API5: variants seen among roughly 807,000 people sequenced by gnomAD.
The protein encoded by API5 is FIF.
A neutral mutation model predicts 71.9 loss-of-function variants in API5; 6 were observed. The observed-to-expected ratio is 0.08, with a 90% CI of 0.05 to 0.16. The LOEUF is 0.16. Ranked by LOEUF, API5 falls within the 10% of genes least tolerant of loss-of-function variation. The pLI, the probability that API5 is intolerant of heterozygous loss-of-function variation, is 1.00. For missense variants in API5, 332 were observed against 612.8 expected (o/e 0.54, Z 4.84); for synonymous variants, 189 against 221.3 (o/e 0.85, Z 1.30).
intron 13 of API5, chr11:43,340,296 T>C: frequency 3.7e-6 from 1 of 272,746 alleles, no homozygotes; most frequent in Non-Finnish European, 7.1e-6. Flanking sequence ...ACAAACAAAT[T>C]GAAAGACACT....
At chr11:43,316,781 A>G (rs533936879) in intron 1 of API5, among the ~76,000 whole-genome samples, 1 of 152,280 alleles carries the variant, frequency 6.6e-6, no homozygotes, top group Non-Finnish European at 1.5e-5. Context: ...CAGCCTCTCC[A>G]GTAGCTGGGA....
At chr11:43,341,760 A>G (rs1855623999) in intron 13 of API5, among the ~76,000 whole-genome samples, 1 of 152,208 alleles carries the variant, frequency 6.6e-6, no homozygotes, top group African/African-American at 2.4e-5. Flanking sequence ...GATGATGGAT[A>G]TGCTTGTTAC....
At chr11:43,329,217 C>T (rs1177707898) in intron 9 of API5, 1 of 213,004 alleles carries the variant, frequency 4.7e-6, no homozygotes, top group African/African-American at 2.3e-5. Context: ...TGTGGTAACA[C>T]ACCAGTAGTC....
At position 43,320,810 on chromosome 11, in the gene API5, A is replaced by C; in HGVS notation, c.232-11A>C. On this transcript the variant is annotated splice_polypyrimidine_tract_variant and intron_variant, in intron 2 of 13. Coordinates refer to ENST00000531273, the MANE Select transcript of API5 (RefSeq NM_001142930.2). Reference sequence around the variant, plus strand: ...AGTATTTGGTTAATTTTTGTTTGAAATCATGCCCAGATTCGACGTCAAGCA... The same window carrying C: ...AGTATTTGGTTAATTTTTGTTTGAACTCATGCCCAGATTCGACGTCAAGCA... The C allele has an allele frequency of 6.2e-7, 1 of 1,608,370 alleles. No individual in the cohort carries two copies.
intron 11 of API5, among the ~76,000 whole-genome samples, chr11:43,332,887 C>A (rs569175892): frequency 3.3e-5 from 5 of 152,240 alleles, no homozygotes; most frequent in Admixed American, 2.0e-4. Context: ...CAGTCAGCTC[C>A]CCCATCCTGT....
intron 1 of API5, among the ~76,000 whole-genome samples, chr11:43,314,802 C>T (rs934611649): frequency 1.6e-4 from 25 of 152,152 alleles, no homozygotes; most frequent in African/African-American, 5.1e-4. Context: ...TACTTCTCCC[C>T]TTTTAGATAA....
intron 1 of API5, among the ~76,000 whole-genome samples, chr11:43,317,099 C>T (rs1024960136): frequency 1.3e-5 from 2 of 152,242 alleles, no homozygotes; most frequent in African/African-American, 4.8e-5. Context: ...ATGAAGTAAG[C>T]TCATGTGTCT....
intron 6 of API5, among the ~76,000 whole-genome samples, chr11:43,324,504 C>G (rs1855002595): frequency 6.6e-6 from 1 of 151,962 alleles, no homozygotes; most frequent in South Asian, 2.1e-4. Context: ...AATCCCAATC[C>G]CAGCACTTTG....
chr11:43,326,524 A>G lies in API5; in HGVS notation c.768A>G (p.Thr256=). The G allele has an allele frequency of 6.2e-7, 1 of 1,606,934 alleles. No individual in the cohort carries two copies. The highest frequency in any genetic ancestry group is 8.5e-7 in the Non-Finnish European group (1 of 1,176,238). Residue 256 remains threonine, a synonymous_variant, in exon 7 of 14, where the codon ACA becomes ACG. Transcript: ENST00000531273. ...TCTTACAGAAAAATGTCCATTCCAC[A>G]AGGTTTGTGACATATTTCTGTGAGC... The part of the protein sequence containing the change: ...VPLFSKNVHS[T]RFVTYFCEQV...
intron 13 of API5, among the ~76,000 whole-genome samples, chr11:43,337,455 A>G (rs1318006594): frequency 6.6e-6 from 1 of 152,230 alleles, no homozygotes; most frequent in Non-Finnish European, 1.5e-5. Flanking sequence ...AACAGATTAT[A>G]TAGAAAGCCA....
chr11:43,314,690 ATC>A (rs1854609646), intron 1 of API5, among the ~76,000 whole-genome samples: 1 of 152,218 alleles, frequency 6.6e-6, no homozygotes, highest in Non-Finnish European at 1.5e-5. Context: ...TTTAAACAGT[ATC>A]TCTGCATAAT....
intron 2 of API5, chr11:43,319,112 C>A: frequency 3.8e-6 from 1 of 262,298 alleles, no homozygotes; most frequent in East Asian, 7.7e-5. Context: ...TGAAATTAGA[C>A]TGTTTTTAAT....
At chr11:43,337,959 G>T (rs1590272948) in intron 13 of API5, among the ~76,000 whole-genome samples, 2 of 152,238 alleles carry the variant, frequency 1.3e-5, no homozygotes, top group African/African-American at 4.8e-5. Context: ...TGTATACAGT[G>T]TTTTTTAAAA....
Position 43,326,507 on chromosome 11 carries a change from A to C in API5, c.751A>C (p.Lys251Gln). The C allele has an allele frequency of 6.3e-7, 1 of 1,591,672 alleles. No individual in the cohort carries two copies. Among genetic ancestry groups the C allele is most frequent in the Non-Finnish European group, 8.6e-7 (1 of 1,166,268 alleles). Residue 251 changes from lysine (K) to glutamine (Q), a missense_variant and splice_region_variant, in exon 7 of 14, where the codon AAA becomes CAA. Lys to Gln is a moderately conservative substitution (Grantham distance 53, BLOSUM62 1). Coordinates refer to ENST00000531273, the MANE Select transcript of API5 (RefSeq NM_001142930.2). The stretch of plus-strand genomic sequence containing the variant: ...TGCATTTTCTTTGGATTTCTTACAG[A>C]AAAATGTCCATTCCACAAGGTTTGT... ...CTRQAVPLFS[K>Q]NVHSTRFVTY...
Position 43,323,444 on chromosome 11 carries a change from G to C in API5, c.558G>C (p.Val186=). The change falls in exon 6 of 14, where the codon GTG becomes GTC. Residue 186 remains valine, a synonymous_variant. Coordinates refer to ENST00000531273, the MANE Select transcript of API5 (RefSeq NM_001142930.2). ...CTCTTTTCCAGGTCCTAGAAGATGT[G>C]ACTGGTGAAGAATTTGTTCTATTTA... ...LTESKKVLED[V]TGEEFVLFMK... 1 of 1,613,872 alleles carries C rather than the reference G, an allele frequency of 6.2e-7. No homozygotes were observed. Among genetic ancestry groups the C allele is most frequent in the Non-Finnish European group, 8.5e-7 (1 of 1,179,858 alleles).
intron 2 of API5, among the ~76,000 whole-genome samples, chr11:43,319,279 T>G (rs1235562457): frequency 6.6e-6 from 1 of 152,178 alleles, no homozygotes; most frequent in African/African-American, 2.4e-5. Flanking sequence ...TTTTGGTTTT[T>G]GGGGGGTTTT....
intron 5 of API5, among the ~76,000 whole-genome samples, chr11:43,322,790 T>C (rs1254720031): frequency 6.6e-6 from 1 of 152,202 alleles, no homozygotes; most frequent in East Asian, 1.9e-4. Context: ...ATTGATAAGA[T>C]TATTTTTCAG....
intron 10 of API5, 56 bp from the exon 11 acceptor site, chr11:43,330,452 A>G (rs919124596): frequency 1.7e-6 from 2 of 1,194,616 alleles, no homozygotes; most frequent in African/African-American, 3.0e-5. Flanking sequence ...GACAGAATGG[A>G]TTATGCCTCA....
At chr11:43,337,220 G>A (rs964692327) in intron 13 of API5, among the ~76,000 whole-genome samples, 5 of 152,032 alleles carry the variant, frequency 3.3e-5, no homozygotes, top group African/African-American at 9.7e-5. Flanking sequence ...CAGCTACTCA[G>A]GAGGCAAGAG....
Sources: gnomAD v4.1 joint callset for allele counts (sites outside exome capture counted in the v4.1 genomes callset) on GRCh38, gnomAD v4.1.1 for gene constraint, MANE v1.5 for transcripts, NCBI Gene and HGNC (gene_info 2026-07-23, HGNC 2026-07-21) for gene names.